Variants in RUFY4 observed in about 807,000 individuals in gnomAD.
RUFY4 encodes RUN and FYVE domain-containing protein 4.
RUFY4 carries 73 observed loss-of-function variants against 69.0 expected under a neutral mutation model. That is an observed-to-expected ratio of 1.06 (90% CI 0.88 to 1.29). The LOEUF (loss-of-function observed/expected upper bound fraction) is 1.29. RUFY4 is among the 50% of genes most tolerant of loss of function. The pLI is 0.00. For missense variants in RUFY4, 770 were observed against 705.6 expected (o/e 1.09, Z -1.03); for synonymous variants, 287 against 271.8 (o/e 1.06, Z -0.55).
intron 1 of RUFY4, 23 bp from the exon 4 acceptor site, chr2:218,070,730 G>A: frequency 6.5e-7 from 1 of 1,536,406 alleles, no homozygotes; most frequent in Non-Finnish European, 8.7e-7. Context: ...TCAGCGACCT[G>A]ACATCTGCCA....
At chr2:218,076,244 G>A (rs772288912) in intron 7 of RUFY4, among the ~76,000 whole-genome samples, 183 bp from the exon 10 acceptor site, 4 of 152,220 alleles carry the variant, frequency 2.6e-5, no homozygotes, top group African/African-American at 9.6e-5. Flanking sequence ...GGAAGAAACC[G>A]TGGCCCAGGC....
intron 3 of RUFY4, among the ~76,000 whole-genome samples, chr2:218,063,147 T>C (rs1047314684): frequency 6.6e-6 from 1 of 152,184 alleles, no homozygotes; most frequent in African/African-American, 2.4e-5. Context: ...AGAAGTCAAC[T>C]AAAGCAATCC....
At chr2:218,072,853 G>C (rs901183752) in exon 4 of RUFY4, 6 of 1,535,720 alleles carry the variant, frequency 3.9e-6, no homozygotes, top group African/African-American at 1.4e-5. Flanking sequence ...CTGAGGCCCT[G>C]CAGCTTTGCC....
At chr2:218,078,992 C>T (rs1389065643) in intron 8 of RUFY4, among the ~76,000 whole-genome samples, 5 of 152,168 alleles carry the variant, frequency 3.3e-5, no homozygotes, top group African/African-American at 9.7e-5. Context: ...CTCAGCCTCC[C>T]GAGTAGCTGG....
At chr2:218,074,036 G>T in intron 6 of RUFY4, 151 bp downstream of exon 8, 5 of 770,196 alleles carry the variant, frequency 6.5e-6, no homozygotes, top group Non-Finnish European at 1.1e-5. Context: ...GTGGAGCAGG[G>T]GACTGGGGAG....
chr2:218,042,405 A>T (rs1688714916), intron 2 of RUFY4, among the ~76,000 whole-genome samples: 1 of 152,226 alleles, frequency 6.6e-6, no homozygotes, highest in South Asian at 2.1e-4. Flanking sequence ...GCTTGAAGAG[A>T]ACTCAGGGTA....
intron 3 of RUFY4, chr2:218,060,207 C>T (rs1348869362): frequency 4.9e-6 from 4 of 816,954 alleles, no homozygotes; most frequent in Non-Finnish European, 7.5e-6. Flanking sequence ...AACGTGGCCT[C>T]CTCTGCTTCC....
At chr2:218,063,857 C>T (rs1689258531) in intron 3 of RUFY4, among the ~76,000 whole-genome samples, 1 of 152,154 alleles carries the variant, frequency 6.6e-6, no homozygotes, top group South Asian at 2.1e-4. Flanking sequence ...CTAAGAAGCT[C>T]TTCCTTCACC....
exon 3 of RUFY4, chr2:218,072,498 A>G: frequency 2.0e-6 from 3 of 1,536,842 alleles, no homozygotes; most frequent in Non-Finnish European, 2.6e-6. Flanking sequence ...TCCCAGGACA[A>G]GGTATCCAGG....
At chr2:218,058,764 G>C (rs1168949948) in intron 3 of RUFY4, 3 of 152,354 alleles carry the variant, frequency 2.0e-5, no homozygotes, top group Non-Finnish European at 4.4e-5. Context: ...ACTCAAAGTG[G>C]GTGCTGCTGG....
At chr2:218,073,113 TG>T in intron 4 of RUFY4, 129 bp from the exon 7 acceptor site, 1 of 1,222,620 alleles carries the variant, frequency 8.2e-7, no homozygotes, top group Non-Finnish European at 1.1e-6. Flanking sequence ...CAACTCTGCC[TG>T]GGGAACAGCC....
chr2:218,056,024 C>T (rs189411131), intron 2 of RUFY4, among the ~76,000 whole-genome samples: 6 of 152,316 alleles, frequency 3.9e-5, no homozygotes, highest in Non-Finnish European at 7.3e-5. Flanking sequence ...AGAGCATCTT[C>T]GGCAATATCC....
At position 218,062,166 on chromosome 2, in the gene RUFY4, G is replaced by A. The variant is rs529809964; in HGVS notation, c.-1071+3485G>A. Among the ~76,000 whole-genome samples, 53 of 152,300 alleles carry A rather than the reference G, an allele frequency of 3.5e-4. 1 individual carries two copies. Among genetic ancestry groups the A allele is most frequent in the East Asian group, 2.7e-3 (14 of 5,184 alleles). The stretch of plus-strand genomic sequence containing the variant: ...TGTAATCCCAGCACTTCGGGAGGCC[G>A]AGGTGGGCGGATCACAAGGTCAGGA... On this transcript the variant is annotated intron_variant and NMD_transcript_variant, in intron 3 of 13. Transcript: ENST00000457754.
chr2:218,076,743 C>T (rs925384516), intron 8 of RUFY4, among the ~76,000 whole-genome samples: 1 of 152,128 alleles, frequency 6.6e-6, no homozygotes, highest in African/African-American at 2.4e-5. Flanking sequence ...TCGTAGGTCT[C>T]CCAGAGCAGG....
At chr2:218,053,264 G>GATGAGGCTTATTTAAT (rs889295891) in intron 2 of RUFY4, among the ~76,000 whole-genome samples, 4 of 152,060 alleles carry the variant, frequency 2.6e-5, no homozygotes, top group Non-Finnish European at 5.9e-5. Context: ...AGTCTCAAAG[G>GATGAGGCTTATTTAAT]ATGAGGCTTA....
intron 2 of RUFY4, among the ~76,000 whole-genome samples, chr2:218,052,836 A>C (rs1229710946): frequency 8.1e-6 from 1 of 122,878 alleles, no homozygotes; most frequent in Non-Finnish European, 1.8e-5. Flanking sequence ...GGCAGGTCTA[A>C]GGTTTTTTTT....
chr2:218,083,292 G>A, intron 9 of RUFY4, 36 bp downstream of exon 11: 1 of 1,547,052 alleles, frequency 6.5e-7, no homozygotes, highest in Non-Finnish European at 8.7e-7. Flanking sequence ...GGAAACAGAT[G>A]GGGGAACGGT....
At chr2:218,088,595 A>G (rs529969074) in intron 9 of RUFY4, among the ~76,000 whole-genome samples, 2 of 152,314 alleles carry the variant, frequency 1.3e-5, no homozygotes, top group Non-Finnish European at 2.9e-5. Flanking sequence ...AAGTGTCTGG[A>G]GCAAGAAACC....
chr2:218,073,727 G>A (rs1019949044), intron 5 of RUFY4, 89 bp from the exon 8 acceptor site: 16 of 1,387,430 alleles, frequency 1.2e-5, no homozygotes, highest in Admixed American at 3.7e-5. Context: ...GGATGAATGC[G>A]CTAGTGGAAA....
Sources: allele counts gnomAD v4.1 joint callset (sites outside exome capture counted in the v4.1 genomes callset), GRCh38; gene constraint gnomAD v4.1.1; transcripts MANE v1.5; gene names NCBI Gene and HGNC (gene_info 2026-07-23, HGNC 2026-07-21).